The following SPECC1 variants were observed in gnomAD, a reference collection of about 807,000 sequenced individuals.
SPECC1 encodes the protein cytospin-B.
A neutral mutation model predicts 104.1 loss-of-function variants in SPECC1; 62 were observed. The ratio of observed to expected loss-of-function variants is 0.60; its 90% CI spans 0.49 to 0.74. SPECC1 has a LOEUF of 0.74. SPECC1 is among the 30% of genes least tolerant of loss of function. SPECC1 has a pLI of 0.00. For synonymous variants in SPECC1, 513 were observed against 501.6 expected (o/e 1.02, Z -0.30); for missense variants, 1,306 against 1,310.5 (o/e 1.00, Z 0.05).
chr17:20,124,748 C>G (rs1003530200), intron 3 of SPECC1, among the ~76,000 whole-genome samples: 3 of 152,174 alleles, frequency 2.0e-5, no homozygotes, highest in Admixed American at 2.0e-4. Flanking sequence ...CTGCTTTAAA[C>G]AGGCTCAGAA....
chr17:20,232,204 A>C lies in SPECC1; in HGVS notation c.2150A>C (p.Glu717Ala), dbSNP rs779133235. The change falls in exon 7 of 15, where the codon GAG becomes GCG. Residue 717 changes from glutamate to alanine, a missense_variant. By Grantham distance (107) the Glu-to-Ala change is moderately radical. Transcript: ENST00000395527. ...GATGGGCTCTGACATTTTCAGGAGGAGACCGAGGAATGGAGGCGGTTCCAG... is the reference window on the plus strand; with the variant it reads ...GATGGGCTCTGACATTTTCAGGAGGCGACCGAGGAATGGAGGCGGTTCCAG... ...LKTLTKQMKE[E>A]TEEWRRFQAD... The C allele has an allele frequency of 1.9e-6, 3 of 1,613,914 alleles. No individual in the cohort carries two copies. The East Asian group carries it at 6.7e-5, about 36-fold the overall frequency.
At position 20,009,456 on chromosome 17, in the gene SPECC1, C is replaced by T. The variant is rs2043855133; in HGVS notation, c.-22+32C>T. 1 of 152,200 alleles carries T rather than the reference C, an allele frequency of 6.6e-6. No individual in the cohort carries two copies. 9.4% of individuals were successfully genotyped at this position (152,200 alleles called of 1,614,324 possible). A position where few individuals can be genotyped will look rare whatever the true frequency, so the allele number is the denominator to read the frequency against. ...ACTAGCCGCGCCGCCAGCCCGCCCGCCGGCCGGCTCTTTGCGCCTCAGCCG... is the reference window on the plus strand; with the variant it reads ...ACTAGCCGCGCCGCCAGCCCGCCCGTCGGCCGGCTCTTTGCGCCTCAGCCG... On this transcript the variant is annotated intron_variant, in intron 1 of 14. Coordinates refer to ENST00000395527, the MANE Select transcript of SPECC1 (RefSeq NM_001243439.2). This position sits in a 1 kb window ranked among gnomAD's most constrained non-coding sequence, Gnocchi z 5.2.
chr17:20,086,855 C>T (rs2047198775), intron 1 of SPECC1, among the ~76,000 whole-genome samples: 1 of 152,274 alleles, frequency 6.6e-6, no homozygotes, highest in Middle Eastern at 3.4e-3. Flanking sequence ...AGAGGTTTTG[C>T]TGGGTGGGTG....
intron 13 of SPECC1, among the ~76,000 whole-genome samples, chr17:20,301,946 T>C (rs1282122134): frequency 1.3e-5 from 2 of 152,214 alleles, no homozygotes; most frequent in Non-Finnish European, 2.9e-5. Flanking sequence ...CTTTAGGTGA[T>C]CCACCCGCTT....
intron 12 of SPECC1, among the ~76,000 whole-genome samples, chr17:20,289,686 T>G (rs1273347603): frequency 2.6e-5 from 4 of 152,190 alleles, no homozygotes; most frequent in Non-Finnish European, 5.9e-5. Flanking sequence ...CGGCTTTGAA[T>G]TGTCCCCCAG....
At chr17:20,037,106 T>C (rs1017677710) in intron 1 of SPECC1, among the ~76,000 whole-genome samples, 1 of 152,196 alleles carries the variant, frequency 6.6e-6, no homozygotes, top group Non-Finnish European at 1.5e-5. Flanking sequence ...TATAGTGGGT[T>C]ACCTTGTTTT....
chr17:20,208,574 A>T (rs1458049934), intron 4 of SPECC1, among the ~76,000 whole-genome samples: 1 of 152,246 alleles, frequency 6.6e-6, no homozygotes, highest in Non-Finnish European at 1.5e-5. Context: ...GAAGGGTCTA[A>T]CATGCTGGAC....
intron 3 of SPECC1, chr17:20,112,205 T>A: frequency 6.5e-6 from 5 of 764,214 alleles, no homozygotes; most frequent in African/African-American, 1.7e-5. Flanking sequence ...GTCTGGGAAA[T>A]AAGCAAGATC....
chr17:20,198,080 C>T (rs1474456158), intron 3 of SPECC1, among the ~76,000 whole-genome samples: 3 of 152,194 alleles, frequency 2.0e-5, no homozygotes, highest in South Asian at 2.1e-4. Context: ...GCACCATTGC[C>T]CTGGGGGCCA....
chr17:20,152,573 T>G (rs915094206), intron 3 of SPECC1, among the ~76,000 whole-genome samples: 1 of 152,238 alleles, frequency 6.6e-6, no homozygotes, highest in Non-Finnish European at 1.5e-5. Flanking sequence ...GTGAGGAGTC[T>G]TCTTGGCTTA....
chr17:20,090,346 G>GT (rs1199051732), intron 1 of SPECC1, among the ~76,000 whole-genome samples: 1 of 152,094 alleles, frequency 6.6e-6, no homozygotes, highest in Non-Finnish European at 1.5e-5. Context: ...TGCACTTTCC[G>GT]TTTTGCTTCT....
chr17:20,173,937 T>G (rs1042607532), intron 3 of SPECC1, among the ~76,000 whole-genome samples: 10 of 152,146 alleles, frequency 6.6e-5, no homozygotes, highest in Non-Finnish European at 8.8e-5. Context: ...TGTTTTTTTT[T>G]TTTGTTTTTG....
intron 12 of SPECC1, among the ~76,000 whole-genome samples, chr17:20,289,238 C>G (rs1425714255): frequency 6.6e-6 from 1 of 152,208 alleles, no homozygotes; most frequent in African/African-American, 2.4e-5. Flanking sequence ...TTACCTCCCC[C>G]TGGGTCCCTC....
chr17:20,077,994 A>G (rs921157395), intron 1 of SPECC1, among the ~76,000 whole-genome samples: 8 of 151,952 alleles, frequency 5.3e-5, no homozygotes, highest in Non-Finnish European at 1.0e-4. Flanking sequence ...ACACACACTG[A>G]AAAAGTATTT....
chr17:20,018,452 G>A (rs929861853), intron 1 of SPECC1, among the ~76,000 whole-genome samples: 4 of 152,202 alleles, frequency 2.6e-5, no homozygotes, highest in African/African-American at 4.8e-5. Context: ...GTGCATTGGC[G>A]CAGTCATAGG....
chr17:20,014,117 A>G (rs920274673), intron 1 of SPECC1, among the ~76,000 whole-genome samples: 4 of 152,198 alleles, frequency 2.6e-5, no homozygotes, highest in Non-Finnish European at 5.9e-5. Flanking sequence ...CATTCTTGCC[A>G]ACTCTTGGTA....
At chr17:20,256,026 T>C (rs945226129) in intron 10 of SPECC1, among the ~76,000 whole-genome samples, 13 of 152,026 alleles carry the variant, frequency 8.6e-5, no homozygotes, top group African/African-American at 3.1e-4. Context: ...TACAGGCGCC[T>C]GCCACCATGC....
intron 1 of SPECC1, among the ~76,000 whole-genome samples, chr17:20,049,659 G>A (rs2045665602): frequency 6.6e-6 from 1 of 151,946 alleles, no homozygotes; most frequent in African/African-American, 2.4e-5. Flanking sequence ...CTATGTTTTA[G>A]GCATGTAGAA....
intron 1 of SPECC1, among the ~76,000 whole-genome samples, chr17:20,059,706 A>C (rs2046111456): frequency 6.6e-6 from 1 of 152,186 alleles, no homozygotes; most frequent in Non-Finnish European, 1.5e-5. Flanking sequence ...TCTCTATAGA[A>C]AATTTAAAAA....
Sources: allele counts gnomAD v4.1 joint callset (sites outside exome capture counted in the v4.1 genomes callset), GRCh38; gene constraint gnomAD v4.1.1; non-coding constraint Gnocchi (gnomAD v3.1); transcripts MANE v1.5; gene names NCBI Gene and HGNC (gene_info 2026-07-23, HGNC 2026-07-21).